ACIN1: variants seen among roughly 807,000 people sequenced by gnomAD.
ACIN1 encodes apoptotic chromatin condensation inducer 1, also known as apoptotic chromatin condensation inducer in the nucleus.
A neutral mutation model predicts 146.6 loss-of-function variants in ACIN1; 16 were observed. That is an observed-to-expected ratio of 0.11 (90% CI 0.07 to 0.17). ACIN1 has a LOEUF of 0.17. ACIN1 is among the 10% of genes least tolerant of loss of function. ACIN1 has a pLI of 1.00. For missense variants in ACIN1, 1,357 were observed against 1,609.3 expected, an observed-to-expected ratio of 0.84 and a Z score of 2.68; for synonymous variants, 569 against 582.7, an observed-to-expected ratio of 0.98 and a Z score of 0.34.
Position 23,059,487 on chromosome 14 carries a change from A to G in ACIN1, c.3526-13T>C, listed in dbSNP as rs201256246. Reference sequence around the variant, plus strand: ...CTTTCTGAACGATCTGTAGCCAGGTAGGAAAGGCAGAGAATAGGCAGCTCA... The same window carrying G: ...CTTTCTGAACGATCTGTAGCCAGGTGGGAAAGGCAGAGAATAGGCAGCTCA... On this transcript the variant is annotated splice_polypyrimidine_tract_variant and intron_variant, in intron 18 of 18. Transcript: ENST00000605057. The G allele has an allele frequency of 3.8e-4, 607 of 1,610,406 alleles. 3 individuals carry two copies. The Admixed American group carries it at 6.4e-3, about 17-fold the overall frequency.
intron 11 of ACIN1, 28 bp downstream of exon 11, chr14:23,064,327 C>T: frequency 1.9e-6 from 3 of 1,614,038 alleles, no homozygotes; most frequent in Non-Finnish European, 2.5e-6. Flanking sequence ...AGGTCTCATC[C>T]TCCCTTCCCT....
In ACIN1 at chr14:23,080,523, TG is replaced by T; in HGVS notation, c.811del (p.Gln271ArgfsTer6). ...MMDERPKTRS[Q>X]EQEVLERGGR... ...TCCTCTCTCTAACACCTCCTGTTCC[TG>T]GGATCTTGTTTTGGGTCTCTCATCC... On this transcript the variant is annotated frameshift_variant, in exon 6 of 19. Transcript: ENST00000605057. LOFTEE classifies it high-confidence loss of function. The T allele has an allele frequency of 6.2e-7, 1 of 1,614,188 alleles. No individual in the cohort carries two copies. The highest frequency in any genetic ancestry group is 8.5e-7 in the Non-Finnish European group (1 of 1,180,020).
chr14:23,095,525 A>C (rs998927740), upstream of ACIN1: 3 of 535,106 alleles, frequency 5.6e-6, no homozygotes, highest in East Asian at 9.5e-5. Context: ...GGGCTGGCCC[A>C]GCTTAGGGTT....
rs1370202280 is a variant in ACIN1 at position 23,059,301 on chromosome 14, TCTCTCCCTGTCC to T, written c.3687_3698del (p.Asp1230_Arg1233del). The T allele has an allele frequency of 6.3e-7, 1 of 1,599,690 alleles. No individual in the cohort carries two copies. Among genetic ancestry groups the T allele is most frequent in the Non-Finnish European group, 8.6e-7 (1 of 1,167,048 alleles). On this transcript the variant is annotated inframe_deletion, in exon 19 of 19. Transcript: ENST00000605057. ...CCCTGTCCCGCTCCCTTTCTCTCTC[TCTCTCCCTGTCC>T]CTCTCCCGACTGTGCTCCCGACGTT...
Position 23,078,902 on chromosome 14 carries a change from G to C in ACIN1, c.1925C>G (p.Ser642Cys). 1 of 1,614,086 alleles carries C rather than the reference G, an allele frequency of 6.2e-7. No homozygotes were observed. Among genetic ancestry groups the C allele is most frequent in the African/African-American group, 1.3e-5 (1 of 75,036 alleles). The change falls in exon 7 of 19, where the codon TCC becomes TGC. Residue 642 changes from serine (S) to cysteine (C), a missense_variant. Ser to Cys is a moderately radical substitution (Grantham distance 112). This residue lies in a region of ACIN1 where 771 missense variants were observed against 746.6 expected (regional missense o/e 1.03). Transcript: ENST00000605057. The stretch of plus-strand genomic sequence containing the variant: ...ACGCCTTGCTTGGACAGAGGATGAG[G>C]AGGTGGAAGTCCTCTCCTTTGGCTC... ...VCEPKERTST[S>C]SSSVQARRLS...
chr14:23,090,443 C>G, intron 3 of ACIN1, 79 bp downstream of exon 3: 1 of 1,250,522 alleles, frequency 8.0e-7, no homozygotes, highest in Non-Finnish European at 1.1e-6. Flanking sequence ...CTGAAATTGT[C>G]TAGTTAGACA....
chr14:23,095,176 C>A (rs1245156693), upstream of ACIN1: 28 of 1,614,126 alleles, frequency 1.7e-5, no homozygotes, highest in Non-Finnish European at 2.3e-5. Context: ...TCCGCCAACG[C>A]CCTTCGAACG....
At chr14:23,062,559 A>G in intron 14 of ACIN1, 36 bp from the exon 15 acceptor site, 1 of 1,560,894 alleles carries the variant, frequency 6.4e-7, no homozygotes, top group Non-Finnish European at 8.8e-7. Flanking sequence ...GTCTAGCAGA[A>G]GGCAAGACCA....
intron 7 of ACIN1, 151 bp downstream of exon 7, chr14:23,078,669 G>T: frequency 2.3e-6 from 2 of 861,782 alleles, no homozygotes; most frequent in Non-Finnish European, 3.5e-6. Flanking sequence ...GAACCAGGGA[G>T]CTGGAAATGA....
rs1247674131 is a variant in ACIN1 at position 23,079,686 on chromosome 14, C to G, written c.1649G>C (p.Arg550Thr). ...CTGGGCTACATCTCTCTGCTTGGAT[C>G]TGAGCGGTGAATGAGACCGAGAACC... The part of the protein sequence containing the change: ...SSGSRSHSPL[R>T]SKQRDVAQAR... The change falls in exon 6 of 19, where the codon AGA becomes ACA. Residue 550 changes from arginine (R) to threonine (T), a missense_variant. Physicochemically the swap from Arg to Thr is moderately conservative, Grantham distance 71 (BLOSUM62 -1). Transcript: ENST00000605057. The G allele has an allele frequency of 6.2e-7, 1 of 1,614,138 alleles. No homozygotes were observed.
chr14:23,065,204 A>AT (rs2047414337), intron 10 of ACIN1, among the ~76,000 whole-genome samples: 1 of 152,250 alleles, frequency 6.6e-6, no homozygotes, highest in Non-Finnish European at 1.5e-5. Flanking sequence ...ATACTTTTGT[A>AT]ATCTAGAGTT....
At position 23,068,010 on chromosome 14, in the gene ACIN1, T is replaced by G. The variant is rs1216112357; in HGVS notation, c.2265+1466A>C. On this transcript the variant is annotated intron_variant, in intron 9 of 18. Coordinates refer to ENST00000605057, the MANE Select transcript of ACIN1 (RefSeq NM_001386863.1). This position sits in a 1 kb window ranked among gnomAD's most constrained non-coding sequence, Gnocchi z 4.3. ...CAGGTGGATGAAATGAGTCCCTGCC[T>G]CCAGGGATGGAGGAGAAGTTGGAGC... 1 of 985,742 alleles carries G rather than the reference T, an allele frequency of 1.0e-6. No homozygotes were observed. The allele number at this position is 985,742 out of a possible 1,614,324, so 61.1% of individuals were successfully genotyped here. A position where few individuals can be genotyped will look rare whatever the true frequency, so the allele number is the denominator to read the frequency against.
In ACIN1 at chr14:23,064,216, A is replaced by G. The variant is rs1234631146; in HGVS notation, c.2484T>C (p.Ala828=). 1 of 1,614,130 alleles carries G rather than the reference A, an allele frequency of 6.2e-7. No individual in the cohort carries two copies. The highest frequency in any genetic ancestry group is 2.2e-5 in the East Asian group (1 of 44,884). The change falls in exon 12 of 19, where the codon GCT becomes GCC. Residue 828 remains alanine, a synonymous_variant. Transcript: ENST00000605057. The part of the protein sequence containing the change: ...PDIKPLAGQE[A]VVDLHADDSR... ...AGTCATCAGCATGAAGATCCACAACAGCCTCCTGCCCCGCCAGGGGTTTGA... is the reference window on the plus strand; with the variant it reads ...AGTCATCAGCATGAAGATCCACAACGGCCTCCTGCCCCGCCAGGGGTTTGA...
In ACIN1 at chr14:23,059,145, C is replaced by A; in HGVS notation, c.*3G>T. 1 of 1,612,706 alleles carries A rather than the reference C, an allele frequency of 6.2e-7. No homozygotes were observed. Among genetic ancestry groups the A allele is most frequent in the South Asian group, 1.1e-5 (1 of 91,032 alleles). On this transcript the variant is annotated 3_prime_UTR_variant, in exon 19 of 19. Transcript: ENST00000605057. ...GGTACCTGCAGCTCTAGTGTTTTCCCAGCTAGCGGCGCCCACCCCGGTCCC... is the reference window on the plus strand; with the variant it reads ...GGTACCTGCAGCTCTAGTGTTTTCCAAGCTAGCGGCGCCCACCCCGGTCCC...
At chr14:23,079,154 T>C (rs999799528) in intron 6 of ACIN1, 116 bp from the exon 7 acceptor site, 8 of 1,051,842 alleles carry the variant, frequency 7.6e-6, no homozygotes, top group African/African-American at 1.6e-5. Context: ...CCTTTTTGTC[T>C]GTGTTTACTC....
chr14:23,069,216 T>C (rs968657835), intron 9 of ACIN1: 7 of 1,181,720 alleles, frequency 5.9e-6, no homozygotes, highest in African/African-American at 1.6e-5. Flanking sequence ...ATTATCAGAC[T>C]TTCCCGTTAG....
At chr14:23,086,552 C>T (rs1303952365) in intron 4 of ACIN1, among the ~76,000 whole-genome samples, 2 of 152,208 alleles carry the variant, frequency 1.3e-5, no homozygotes, top group African/African-American at 2.4e-5. Context: ...CATGGTTTCA[C>T]TCTGTTGTCT....
rs768618558 is a variant in ACIN1 at position 23,061,591 on chromosome 14, C to T, written c.3131G>A (p.Arg1044His). Residue 1044 changes from arginine (R) to histidine (H), a missense_variant, in exon 17 of 19, where the codon CGT (arginine) becomes CAT (histidine). Arg to His is a conservative substitution (Grantham distance 29). Around this residue, in one of 4 missense-constraint regions of ACIN1, gnomAD observed 509 missense variants for 719.6 expected, o/e 0.71. Coordinates refer to ENST00000605057, the MANE Select transcript of ACIN1 (RefSeq NM_001386863.1). ...LDYHRGLLVD[R>H]PSETKTEEQG... ...CTCCTCTGTCTTAGTTTCAGAGGGA[C>T]GGTCCACCAAGAGGCCTCGGTGATA... 8.4e-6 allele frequency: 13 copies of T among 1,550,010 alleles called. No homozygotes were observed. Among genetic ancestry groups the T allele is most frequent in the Middle Eastern group, 3.8e-4 (2 of 5,288 alleles).
intron 4 of ACIN1, 89 bp downstream of exon 4, chr14:23,089,893 G>C: frequency 7.3e-7 from 1 of 1,371,874 alleles, no homozygotes; most frequent in Non-Finnish European, 9.6e-7. Flanking sequence ...GACTTTCATG[G>C]AGGCTTAGCA....
Sources: gnomAD v4.1 joint callset for allele counts (sites outside exome capture counted in the v4.1 genomes callset) on GRCh38, gnomAD v4.1.1 for gene constraint, gnomAD v4.1.1 regional missense constraint, Gnocchi (gnomAD v3.1) non-coding constraint, MANE v1.5 for transcripts, NCBI Gene and HGNC (gene_info 2026-07-23, HGNC 2026-07-21) for gene names.